The following PLD5 variants were observed in gnomAD, a reference collection of about 807,000 sequenced individuals.
The protein encoded by PLD5 is phospholipase D family member 5.
Under a neutral mutation model 61.1 loss-of-function variants are expected in PLD5, and 36 were observed. The ratio of observed to expected loss-of-function variants is 0.59; its 90% confidence interval spans 0.45 to 0.78. The LOEUF is 0.78. PLD5 is among the 30% of genes least tolerant of loss of function. The probability of loss-of-function intolerance (pLI) is 0.00; values close to 1 mark genes in which losing one functional copy is unlikely to be tolerated. For missense variants in PLD5, 515 were observed against 644.4 expected (o/e 0.80, Z 2.17); for synonymous variants, 243 against 242.8 (o/e 1.00, Z -0.01).
At chr1:242,410,976 T>A (rs1664517301) in intron 1 of PLD5, among the ~76,000 whole-genome samples, 1 of 151,636 alleles carries the variant, frequency 6.6e-6, no homozygotes, top group Non-Finnish European at 1.5e-5. Context: ...AAGAAAAAAG[T>A]ATTTTTAAAA....
intron 1 of PLD5, among the ~76,000 whole-genome samples, chr1:242,441,372 ATATCTC>A (rs1227992275): frequency 1.3e-5 from 2 of 152,000 alleles, no homozygotes; most frequent in Non-Finnish European, 2.9e-5. Flanking sequence ...TAGATTATAA[ATATCTC>A]TATATAAAAC....
intron 5 of PLD5, among the ~76,000 whole-genome samples, chr1:242,207,327 T>C (rs1297310267): frequency 6.6e-6 from 1 of 152,126 alleles, no homozygotes; most frequent in Non-Finnish European, 1.5e-5. Context: ...ACCTGGGCAC[T>C]TTCTCTAGCT....
chr1:242,326,674 T>C (rs1383730794), intron 2 of PLD5, among the ~76,000 whole-genome samples: 1 of 152,070 alleles, frequency 6.6e-6, no homozygotes. Context: ...GGTTATTAGC[T>C]TTTTCTTTCC....
chr1:242,182,347 G>A (rs1574467733), intron 5 of PLD5, among the ~76,000 whole-genome samples: 1 of 147,414 alleles, frequency 6.8e-6, no homozygotes, highest in Non-Finnish European at 1.5e-5. Flanking sequence ...AGAGGCATTC[G>A]CCAAATTGGT....
intron 4 of PLD5, among the ~76,000 whole-genome samples, chr1:242,226,280 G>A (rs144650587): frequency 2.6e-5 from 4 of 152,216 alleles, no homozygotes; most frequent in South Asian, 2.1e-4. Flanking sequence ...GATGTCAACC[G>A]AGAGATGCAT....
At chr1:242,148,033 T>G (rs573530010) in intron 5 of PLD5, among the ~76,000 whole-genome samples, 1 of 152,196 alleles carries the variant, frequency 6.6e-6, no homozygotes, top group Admixed American at 6.5e-5. Flanking sequence ...TAAAATTCAA[T>G]GTATCCATCC....
At position 242,089,846 on chromosome 1, in the gene PLD5, T is replaced by C; in HGVS notation, c.*8A>G. On this transcript the variant is annotated 3_prime_UTR_variant, in exon 10 of 10. Transcript: ENST00000536534. ...ATACAGAGCTGTCCTGTCAGTTTCT[T>C]CATCATGTTATACGTTCCGGGGATC... 6.2e-7 allele frequency: 1 copy of C among 1,614,094 alleles called. No individual in the cohort carries two copies. Among genetic ancestry groups the C allele is most frequent in the Non-Finnish European group, 8.5e-7 (1 of 1,179,946 alleles).
intron 1 of PLD5, among the ~76,000 whole-genome samples, chr1:242,501,905 A>G (rs1257072551): frequency 2.6e-5 from 4 of 152,018 alleles, no homozygotes; most frequent in Non-Finnish European, 5.9e-5. Context: ...ATATTTTCAT[A>G]TAAGTTAATA....
intron 2 of PLD5, among the ~76,000 whole-genome samples, chr1:242,312,793 G>T (rs1255701716): frequency 6.6e-6 from 1 of 152,254 alleles, no homozygotes; most frequent in African/African-American, 2.4e-5. Context: ...TTGGGGCAGG[G>T]TGGGGCAAGG....
At chr1:242,260,323 G>A (rs2149096324) in intron 4 of PLD5, among the ~76,000 whole-genome samples, 1 of 151,506 alleles carries the variant, frequency 6.6e-6, no homozygotes, top group East Asian at 1.9e-4. Flanking sequence ...CTCCAGCCTG[G>A]GTGACAGAGT....
rs1302202048 is a variant in PLD5 at position 242,084,589 on chromosome 1, A to G, written c.*5265T>C. ...ACTTCTATGCCCAAATGGGAAGGGA[A>G]TTTACACGTTGGGTGAGCTGGTTGA... On this transcript the variant is annotated 3_prime_UTR_variant, in exon 10 of 10. Coordinates refer to ENST00000536534, the MANE Select transcript of PLD5 (RefSeq NM_001372062.1). The G allele has an allele frequency of 6.6e-6, 1 of 152,014 alleles. No individual in the cohort carries two copies. The highest frequency in any genetic ancestry group is 2.4e-5 in the African/African-American group (1 of 41,378). The allele number at this position is 152,014 out of a possible 1,614,324, so 9.4% of individuals were successfully genotyped here. A position where few individuals can be genotyped will look rare whatever the true frequency, so the allele number is the denominator to read the frequency against.
chr1:242,461,805 TG>T (rs1667127352), intron 1 of PLD5, among the ~76,000 whole-genome samples: 1 of 152,238 alleles, frequency 6.6e-6, no homozygotes, highest in African/African-American at 2.4e-5. Context: ...AGATGGTATC[TG>T]GTTGTGGTTT....
At chr1:242,092,973 T>C (rs932268480) in intron 9 of PLD5, among the ~76,000 whole-genome samples, 1 of 152,176 alleles carries the variant, frequency 6.6e-6, no homozygotes, top group Admixed American at 6.5e-5. Flanking sequence ...CCCCTTTTGC[T>C]TTATCCTTCT....
rs1267967710 is a variant in PLD5, at chr1:242,083,937, C to T, written c.*5917G>A. On this transcript the variant is annotated 3_prime_UTR_variant, in exon 10 of 10. Transcript: ENST00000536534. ...TTGTCTTGCAAGGGGCTCAGAATGTCTCATCTGCTTTTCAGAATTTTCCGC... is the reference window on the plus strand; with the variant it reads ...TTGTCTTGCAAGGGGCTCAGAATGTTTCATCTGCTTTTCAGAATTTTCCGC... The T allele has an allele frequency of 6.6e-6, 1 of 152,140 alleles. No homozygotes were observed. Among genetic ancestry groups the T allele is most frequent in the Non-Finnish European group, 1.5e-5 (1 of 68,032 alleles). 9.4% of individuals were successfully genotyped at this position (152,140 alleles called of 1,614,324 possible). A position where few individuals can be genotyped will look rare whatever the true frequency, so the allele number is the denominator to read the frequency against.
chr1:242,485,265 A>G (rs1429239614), intron 1 of PLD5, among the ~76,000 whole-genome samples: 1 of 152,224 alleles, frequency 6.6e-6, no homozygotes, highest in Non-Finnish European at 1.5e-5. Context: ...AAGGAAGTCA[A>G]ATTGTCCCTG....
chr1:242,262,023 C>A (rs879830119), intron 4 of PLD5, among the ~76,000 whole-genome samples: 1 of 152,246 alleles, frequency 6.6e-6, no homozygotes, highest in Non-Finnish European at 1.5e-5. Context: ...AAGACATGTA[C>A]AAGAATGCTC....
intron 1 of PLD5, among the ~76,000 whole-genome samples, chr1:242,473,422 T>C (rs906696522): frequency 2.4e-4 from 37 of 152,150 alleles, no homozygotes; most frequent in Admixed American, 5.2e-4. Flanking sequence ...TGAAGATTAA[T>C]GAGACAATAC....
chr1:242,482,773 G>A (rs1667825342), intron 1 of PLD5, among the ~76,000 whole-genome samples: 2 of 152,298 alleles, frequency 1.3e-5, no homozygotes, highest in Admixed American at 6.5e-5. Flanking sequence ...CACCAAAGTT[G>A]AAATGAAGGA....
At chr1:242,307,937 C>A (rs1676473129) in intron 2 of PLD5, among the ~76,000 whole-genome samples, 1 of 152,190 alleles carries the variant, frequency 6.6e-6, no homozygotes. Context: ...GATATAATTT[C>A]TCTACTTGAC....
Sources: gnomAD v4.1 joint callset for allele counts (sites outside exome capture counted in the v4.1 genomes callset) on GRCh38, gnomAD v4.1.1 for gene constraint, MANE v1.5 for transcripts, NCBI Gene and HGNC (gene_info 2026-07-23, HGNC 2026-07-21) for gene names.